The following WWOX variants were observed in gnomAD, a reference collection of about 807,000 sequenced individuals.
WWOX encodes the protein WW domain containing oxidoreductase, also known as WW domain-containing oxidoreductase.
A neutral mutation model predicts 46.2 loss-of-function variants in WWOX; 69 were observed. The ratio of observed to expected loss-of-function variants is 1.49; its 90% CI spans 1.23 to 1.82. The LOEUF (loss-of-function observed/expected upper bound fraction) is 1.82, where lower values mean the gene tolerates loss of function less well. Ranked by LOEUF, WWOX falls within the 40% of genes most tolerant of loss-of-function variation. The pLI is 0.00. For missense variants in WWOX, 919 were observed against 542.6 expected (o/e 1.69, Z -6.89); for synonymous variants, 359 against 202.6 (o/e 1.77, Z -6.56).
chr16:78,613,391 T>G (rs985053300), intron 8 of WWOX, among the ~76,000 whole-genome samples: 4 of 152,250 alleles, frequency 2.6e-5, no homozygotes, highest in African/African-American at 9.6e-5. Context: ...GTTGCCTGAG[T>G]GTCCCTGTTA....
intron 5 of WWOX, among the ~76,000 whole-genome samples, chr16:78,238,356 G>A (rs748157151): frequency 2.0e-5 from 3 of 152,142 alleles, no homozygotes; most frequent in Non-Finnish European, 2.9e-5. Context: ...CTGGAGTGCA[G>A]TAGTGTGTTC....
rs138741714 is a variant in WWOX, at chr16:78,353,427, C to T, written c.517-33433C>T. On this transcript the variant is annotated intron_variant, in intron 5 of 8. Transcript: ENST00000566780. The stretch of plus-strand genomic sequence containing the variant: ...GTAAGCCAAGAGAAAGACAGTTCAC[C>T]AAATCTATCGATTAATAGAAATCAT... Among the ~76,000 whole-genome samples, 13 of 152,274 alleles carry T rather than the reference C, an allele frequency of 8.5e-5. No individual in the cohort carries two copies. The East Asian group carries it at 2.3e-3, about 27-fold the overall frequency.
chr16:78,933,537 T>C (rs889617913), intron 8 of WWOX, among the ~76,000 whole-genome samples: 8 of 152,216 alleles, frequency 5.3e-5, no homozygotes, highest in Non-Finnish European at 1.2e-4. Context: ...GAGGAGCCAG[T>C]GTGAACTGCT....
At chr16:78,812,810 C>A (rs544871144) in intron 8 of WWOX, among the ~76,000 whole-genome samples, 2 of 152,090 alleles carry the variant, frequency 1.3e-5, no homozygotes, top group Non-Finnish European at 2.9e-5. Flanking sequence ...AACTAAAGAC[C>A]CCATGTTTGT....
intron 8 of WWOX, among the ~76,000 whole-genome samples, chr16:78,778,842 C>T (rs988230947): frequency 3.9e-5 from 6 of 152,144 alleles, no homozygotes; most frequent in African/African-American, 1.4e-4. Context: ...AAAGCCCCGG[C>T]GTCTCCTCCT....
chr16:78,384,642 A>G (rs1016262236), intron 5 of WWOX, among the ~76,000 whole-genome samples: 1 of 152,028 alleles, frequency 6.6e-6, no homozygotes, highest in East Asian at 1.9e-4. Context: ...GAAACTAACA[A>G]CCCACGTGTG....
At chr16:79,181,236 G>A (rs530656906) in intron 8 of WWOX, among the ~76,000 whole-genome samples, 1 of 152,060 alleles carries the variant, frequency 6.6e-6, no homozygotes, top group Non-Finnish European at 1.5e-5. Flanking sequence ...GCTTTATTTG[G>A]TCAAGACATA....
intron 8 of WWOX, among the ~76,000 whole-genome samples, chr16:79,141,145 G>A (rs1202630388): frequency 6.6e-6 from 1 of 152,166 alleles, no homozygotes; most frequent in East Asian, 1.9e-4. Flanking sequence ...ATACATATCG[G>A]ATTGCCTCCT....
intron 4 of WWOX, among the ~76,000 whole-genome samples, chr16:78,139,587 G>T (rs1206596098): frequency 6.6e-6 from 1 of 152,182 alleles, no homozygotes; most frequent in African/African-American, 2.4e-5. Context: ...GGAGGTTGCA[G>T]CGAGCTGAGA....
At chr16:78,976,717 A>G (rs912322129) in intron 8 of WWOX, among the ~76,000 whole-genome samples, 4 of 152,220 alleles carry the variant, frequency 2.6e-5, no homozygotes, top group African/African-American at 9.6e-5. Flanking sequence ...GGAGCTCACC[A>G]GATACTACTT....
At chr16:78,959,013 C>T (rs953283141) in intron 8 of WWOX, among the ~76,000 whole-genome samples, 2 of 152,036 alleles carry the variant, frequency 1.3e-5, no homozygotes. Flanking sequence ...AAAGGGAGTT[C>T]TATAACAGCA....
intron 5 of WWOX, among the ~76,000 whole-genome samples, chr16:78,353,401 T>A (rs2081221641): frequency 6.6e-6 from 1 of 151,950 alleles, no homozygotes; most frequent in African/African-American, 2.4e-5. Context: ...CTTCCAGGGG[T>A]GTAAGCCAAG....
intron 8 of WWOX, among the ~76,000 whole-genome samples, chr16:78,601,750 G>A (rs1444638347): frequency 6.6e-6 from 1 of 152,184 alleles, no homozygotes; most frequent in Non-Finnish European, 1.5e-5. Context: ...TTAAGTTAGG[G>A]AGACAGTAAT....
chr16:78,248,980 C>T (rs1444913284), intron 5 of WWOX, among the ~76,000 whole-genome samples: 2 of 151,142 alleles, frequency 1.3e-5, no homozygotes, highest in African/African-American at 2.4e-5. Flanking sequence ...CCTCAGCCTC[C>T]GGAGCAGCTG....
At chr16:78,556,605 G>A (rs1358658710) in intron 8 of WWOX, among the ~76,000 whole-genome samples, 2 of 152,082 alleles carry the variant, frequency 1.3e-5, no homozygotes, top group African/African-American at 2.4e-5. Flanking sequence ...TGCCCACCAC[G>A]ACTGCTGTCT....
chr16:78,513,855 G>A (rs1417982607), intron 8 of WWOX, among the ~76,000 whole-genome samples: 1 of 150,396 alleles, frequency 6.6e-6, no homozygotes, highest in Non-Finnish European at 1.5e-5. Flanking sequence ...ACACTTGGTC[G>A]AAAAACAGTG....
chr16:78,756,487 A>G (rs1335542867), intron 8 of WWOX, among the ~76,000 whole-genome samples: 1 of 152,192 alleles, frequency 6.6e-6, no homozygotes, highest in Non-Finnish European at 1.5e-5. Flanking sequence ...ACCTTAGACC[A>G]TGAGGAGATG....
At chr16:78,824,897 A>G (rs940050326) in intron 8 of WWOX, among the ~76,000 whole-genome samples, 1 of 152,048 alleles carries the variant, frequency 6.6e-6, no homozygotes, top group Non-Finnish European at 1.5e-5. Flanking sequence ...GAAGCGACAC[A>G]CCTTTCCTTT....
rs895813673 is a variant in WWOX at position 78,452,635 on chromosome 16, C to G, written c.1056+19883C>G. ...GGACTGTAGGCATGCACTACCACACCTGGCTAATTATTATGTTTTTAATAG... is the reference window on the plus strand; with the variant it reads ...GGACTGTAGGCATGCACTACCACACGTGGCTAATTATTATGTTTTTAATAG... On this transcript the variant is annotated intron_variant, in intron 8 of 8. Coordinates refer to ENST00000566780, the MANE Select transcript of WWOX (RefSeq NM_016373.4). 2.6e-5 allele frequency among the ~76,000 whole-genome samples: 4 copies of G among 151,758 alleles called. No individual in the cohort carries two copies. The South Asian group carries it at 8.4e-4, about 32-fold the overall frequency.
Sources: allele counts gnomAD v4.1 joint callset (sites outside exome capture counted in the v4.1 genomes callset), GRCh38; gene constraint gnomAD v4.1.1; transcripts MANE v1.5; gene names NCBI Gene and HGNC (gene_info 2026-07-23, HGNC 2026-07-21).